Variants in ST6GALNAC3 observed in about 807,000 individuals in gnomAD.
The protein encoded by ST6GALNAC3 is ST6 N-acetylgalactosaminide alpha-2,6-sialyltransferase 3.
A neutral mutation model predicts 32.7 loss-of-function variants in ST6GALNAC3; 25 were observed. The observed-to-expected ratio is 0.76, with a 90% CI of 0.56 to 1.07. The LOEUF is 1.07. Ranked by LOEUF, ST6GALNAC3 falls within the 50% of genes least tolerant of loss-of-function variation. The pLI, the probability that ST6GALNAC3 is intolerant of heterozygous loss-of-function variation, is 0.00. For missense variants in ST6GALNAC3, 355 were observed against 382.4 expected, an observed-to-expected ratio of 0.93 and a Z score of 0.60; for synonymous variants, 129 against 133.1, an observed-to-expected ratio of 0.97 and a Z score of 0.21.
intron 1 of ST6GALNAC3, among the ~76,000 whole-genome samples, chr1:76,299,268 A>T (rs373148289): frequency 4.6e-5 from 7 of 152,160 alleles, no homozygotes; most frequent in African/African-American, 1.4e-4. Flanking sequence ...ATCTGTGGTT[A>T]AAGCAGATGA....
chr1:76,342,017 T>C (rs914848264), intron 2 of ST6GALNAC3, among the ~76,000 whole-genome samples: 3 of 152,240 alleles, frequency 2.0e-5, no homozygotes, highest in African/African-American at 4.8e-5. Context: ...GCTTTATCCA[T>C]GTCCCTGCAG....
intron 1 of ST6GALNAC3, among the ~76,000 whole-genome samples, chr1:76,166,442 A>G (rs1191060098): frequency 6.6e-6 from 1 of 152,122 alleles, no homozygotes; most frequent in Non-Finnish European, 1.5e-5. Context: ...TGATGTGTCC[A>G]GCTTTGTTCA....
chr1:76,396,735 T>G (rs1382584144), intron 2 of ST6GALNAC3, among the ~76,000 whole-genome samples: 1 of 152,218 alleles, frequency 6.6e-6, no homozygotes, highest in Non-Finnish European at 1.5e-5. Context: ...CTTTTCTTAG[T>G]GTTTTCTCCC....
chr1:76,140,797 ATTT>A (rs3042284), intron 1 of ST6GALNAC3, among the ~76,000 whole-genome samples: 19,457 of 120,096 alleles, frequency 0.16, 1,492 homozygotes, highest in Non-Finnish European at 0.18. Context: ...TAATTTTCTA[ATTT>A]TTTTTTTTTT....
intron 1 of ST6GALNAC3, 57 bp from the exon 2 acceptor site, chr1:76,313,748 G>A (rs1054784435): frequency 6.3e-7 from 1 of 1,580,274 alleles, no homozygotes; most frequent in Admixed American, 1.7e-5. Context: ...CTCCTTCTGT[G>A]ACTGCCTTTG....
chr1:76,174,693 G>GTC (rs1280519626), intron 1 of ST6GALNAC3, among the ~76,000 whole-genome samples: 1 of 140,432 alleles, frequency 7.1e-6, no homozygotes, highest in Non-Finnish European at 1.5e-5. Context: ...TTGAGATGGA[G>GTC]TCTCTCTCTG....
intron 1 of ST6GALNAC3, among the ~76,000 whole-genome samples, chr1:76,131,245 G>A (rs1028898444): frequency 2.6e-5 from 4 of 152,188 alleles, no homozygotes; most frequent in Non-Finnish European, 5.9e-5. Flanking sequence ...CCCAACTGGT[G>A]TTAGTCCTCG....
chr1:76,344,611 A>G (rs193034538), intron 2 of ST6GALNAC3, among the ~76,000 whole-genome samples: 1 of 152,328 alleles, frequency 6.6e-6, no homozygotes, highest in African/African-American at 2.4e-5. Context: ...AATGAATATG[A>G]TTCCTGCTAT....
At chr1:76,142,073 T>G (rs989570023) in intron 1 of ST6GALNAC3, among the ~76,000 whole-genome samples, 1 of 152,128 alleles carries the variant, frequency 6.6e-6, no homozygotes, top group East Asian at 1.9e-4. Flanking sequence ...CTGCTGGGCC[T>G]TGGGGGATGG....
chr1:76,603,069 A>C (rs1647307749), intron 3 of ST6GALNAC3, among the ~76,000 whole-genome samples: 2 of 152,224 alleles, frequency 1.3e-5, no homozygotes, highest in East Asian at 3.8e-4. Flanking sequence ...CAAAAATTTT[A>C]GTCTGAAAAT....
intron 2 of ST6GALNAC3, among the ~76,000 whole-genome samples, chr1:76,333,766 A>G (rs1310625068): frequency 6.6e-6 from 1 of 152,182 alleles, no homozygotes; most frequent in Non-Finnish European, 1.5e-5. Flanking sequence ...GTTGGGCCAG[A>G]TGCAGTGGGA....
At chr1:76,118,467 T>C (rs1648636006) in intron 1 of ST6GALNAC3, among the ~76,000 whole-genome samples, 1 of 152,214 alleles carries the variant, frequency 6.6e-6, no homozygotes, top group South Asian at 2.1e-4. Flanking sequence ...ACTGACCTTC[T>C]CATTTTATAG....
intron 2 of ST6GALNAC3, among the ~76,000 whole-genome samples, chr1:76,398,893 T>C (rs1390433056): frequency 1.3e-5 from 2 of 152,208 alleles, no homozygotes; most frequent in Admixed American, 1.3e-4. Context: ...TAACTTTTAA[T>C]TAACAAAATA....
At chr1:76,284,060 AG>A (rs1659645814) in intron 1 of ST6GALNAC3, among the ~76,000 whole-genome samples, 1 of 152,178 alleles carries the variant, frequency 6.6e-6, no homozygotes, top group African/African-American at 2.4e-5. Flanking sequence ...GAACTGAGTT[AG>A]AAATGCATAG....
chr1:76,277,990 C>A (rs1441250715), intron 1 of ST6GALNAC3, among the ~76,000 whole-genome samples: 1 of 151,744 alleles, frequency 6.6e-6, no homozygotes, highest in Non-Finnish European at 1.5e-5. Flanking sequence ...TCATTCTTGG[C>A]CTTTTGCATT....
At chr1:76,079,882 C>G (rs1388858827) in intron 1 of ST6GALNAC3, among the ~76,000 whole-genome samples, 2 of 152,220 alleles carry the variant, frequency 1.3e-5, no homozygotes, top group Non-Finnish European at 2.9e-5. Flanking sequence ...CCTGCCTCAG[C>G]AGGCTTCCTC....
intron 3 of ST6GALNAC3, among the ~76,000 whole-genome samples, chr1:76,512,168 T>G (rs2101760131): frequency 6.6e-6 from 1 of 152,314 alleles, no homozygotes; most frequent in Non-Finnish European, 1.5e-5. Context: ...AATGTCGTAC[T>G]TGAATATTTT....
At chr1:76,371,507 A>G (rs957376743) in intron 2 of ST6GALNAC3, among the ~76,000 whole-genome samples, 17 of 152,166 alleles carry the variant, frequency 1.1e-4, no homozygotes, top group Admixed American at 8.5e-4. Flanking sequence ...GGAGACAGAA[A>G]AGCAATTGGT....
At chr1:76,325,225 A>T (rs2100936610) in intron 2 of ST6GALNAC3, among the ~76,000 whole-genome samples, 1 of 152,374 alleles carries the variant, frequency 6.6e-6, no homozygotes, top group Admixed American at 6.5e-5. Context: ...GGGATGTATA[A>T]GATACATGCA....
Sources: gnomAD v4.1 joint callset for allele counts (sites outside exome capture counted in the v4.1 genomes callset) on GRCh38, gnomAD v4.1.1 for gene constraint, MANE v1.5 for transcripts, NCBI Gene and HGNC (gene_info 2026-07-23, HGNC 2026-07-21) for gene names.